The following ATP13A2 variants were observed in gnomAD, a reference collection of about 807,000 sequenced individuals.
ATP13A2 encodes ATPase cation transporting 13A2, also known as polyamine-transporting ATPase 13A2.
A neutral mutation model predicts 138.3 loss-of-function variants in ATP13A2; 83 were observed. The ratio of observed to expected loss-of-function variants is 0.60; its 90% CI spans 0.50 to 0.72. The LOEUF is 0.72. Ranked by LOEUF, ATP13A2 falls within the 30% of genes least tolerant of loss-of-function variation. ATP13A2 has a pLI of 0.00. For missense variants in ATP13A2, 1,402 were observed against 1,606.4 expected, an observed-to-expected ratio of 0.87 and a Z score of 2.17; for synonymous variants, 663 against 699.0, an observed-to-expected ratio of 0.95 and a Z score of 0.81.
At position 16,996,169 on chromosome 1, in the gene ATP13A2, C is replaced by A. The variant is rs1188839599; in HGVS notation, c.1354-5G>T. ...TACAATCTCATTCAGAGGCACCTGG[C>A]AGGGGGCACCATGAATGTGAGCACC... On this transcript the variant is annotated splice_polypyrimidine_tract_variant and splice_region_variant and intron_variant, in intron 14 of 28. Coordinates refer to ENST00000326735, the MANE Select transcript of ATP13A2 (RefSeq NM_022089.4). 1.2e-6 allele frequency: 2 copies of A among 1,614,152 alleles called. No homozygotes were observed. Among genetic ancestry groups the A allele is most frequent in the South Asian group, 2.2e-5 (2 of 91,080 alleles).
At chr1:16,993,301 G>A (rs1415274052) in intron 16 of ATP13A2, among the ~76,000 whole-genome samples, 2 of 152,164 alleles carry the variant, frequency 1.3e-5, no homozygotes, top group Non-Finnish European at 2.9e-5. Context: ...CTGTAGCCTC[G>A]CCCTCCCGGG....
In ATP13A2 at chr1:16,997,120, A is replaced by G. The variant is rs2100916560; in HGVS notation, c.1095T>C (p.Cys365=). 6.2e-7 allele frequency: 1 copy of G among 1,613,696 alleles called. No individual in the cohort carries two copies. The highest frequency in any genetic ancestry group is 8.5e-7 in the Non-Finnish European group (1 of 1,180,018). The change falls in exon 12 of 29, where the codon TGT becomes TGC. Residue 365 remains cysteine (C), a synonymous_variant. Coordinates refer to ENST00000326735, the MANE Select transcript of ATP13A2 (RefSeq NM_022089.4). Reference sequence around the variant, plus strand: ...GTGTGTGCCGCCGGTGTGTCTCTGCACAGTAGGGCCCCAGCCCCTCCGGCA... The same window carrying G: ...GTGTGTGCCGCCGGTGTGTCTCTGCGCAGTAGGGCCCCAGCCCCTCCGGCA... ...TALPEGLGPY[C]AETHRRHTLF... is the part of the protein sequence containing the mutation.
At chr1:16,997,415 G>GGGGGC (rs1553169131) in intron 11 of ATP13A2, among the ~76,000 whole-genome samples, 5 of 120,004 alleles carry the variant, frequency 4.2e-5, no homozygotes, top group African/African-American at 1.9e-4. Flanking sequence ...TGGAACCAGC[G>GGGGGC]GGGGGGGGTG....
In ATP13A2 at chr1:16,989,877, G is replaced by A. The variant is rs773837281; in HGVS notation, c.2529+10C>T. ...GCGCAGGGCGGCCAGGGAGCTGGGG[G>A]CGGCCCTACCTTGGGCAGCAGCTTG... On this transcript the variant is annotated intron_variant, in intron 22 of 28. Coordinates refer to ENST00000326735, the MANE Select transcript of ATP13A2 (RefSeq NM_022089.4). 1.9e-6 allele frequency: 3 copies of A among 1,607,046 alleles called. No individual in the cohort carries two copies. The African/African-American group carries it at 4.0e-5, about 21-fold the overall frequency.
intron 16 of ATP13A2, 127 bp from the exon 17 acceptor site, chr1:16,992,708 C>T (rs945897933): frequency 9.5e-5 from 89 of 937,276 alleles, no homozygotes; most frequent in Admixed American, 1.9e-4. Flanking sequence ...CTTTGGAGCC[C>T]GGTGGACTCA....
chr1:16,990,191 C>T lies in ATP13A2; in HGVS notation c.2348G>A (p.Arg783Gln), dbSNP rs137955309. ...GAACTCGAGAGAGGCAGGCTGACCC[C>T]GCTCAGGGTGGGTGGCGTGGACGAT... ...LIIVHATHPERGQPASLEFLP... is the reference protein window; with the variant it reads ...LIIVHATHPEQGQPASLEFLP... The change falls in exon 21 of 29, where the codon CGG becomes CAG. Residue 783 changes from arginine to glutamine, a missense_variant. By Grantham distance (43) the Arg-to-Gln change is conservative. Transcript: ENST00000326735. 345 of 1,613,962 alleles carry T rather than the reference C, an allele frequency of 2.1e-4. 1 individual carries two copies. In the African/African-American group the frequency reaches 3.3e-3, roughly 16 times the overall value.
At position 16,986,459 on chromosome 1, in the gene ATP13A2, C is replaced by T. The variant is rs780437824; in HGVS notation, c.3405+4G>A. ...CCGCTGCTGAGACCCAGGGCGGGCC[C>T]CACCTCCAGCATGAAGGCCCCCACG... On this transcript the variant is annotated splice_donor_region_variant and intron_variant, in intron 28 of 28. Coordinates refer to ENST00000326735, the MANE Select transcript of ATP13A2 (RefSeq NM_022089.4). This position sits in a 1 kb window ranked among gnomAD's most constrained non-coding sequence, Gnocchi z 6.9. The T allele has an allele frequency of 6.2e-7, 1 of 1,611,810 alleles. No homozygotes were observed.
At chr1:17,005,990 C>A (rs1265849740) in intron 1 of ATP13A2, among the ~76,000 whole-genome samples, 1 of 152,060 alleles carries the variant, frequency 6.6e-6, no homozygotes, top group African/African-American at 2.4e-5. Context: ...AAAAAATTAG[C>A]CGGGCGTGGC....
chr1:16,986,720 G>T lies in ATP13A2; in HGVS notation c.3235+85C>A. 6.4e-7 allele frequency: 1 copy of T among 1,572,306 alleles called. No individual in the cohort carries two copies. On this transcript the variant is annotated intron_variant, in intron 27 of 28. Transcript: ENST00000326735. This position sits in a 1 kb window ranked among gnomAD's most constrained non-coding sequence, Gnocchi z 6.9. Reference sequence around the variant, plus strand: ...TGCACGCCAGTCTTCCACTCGGCCGGCACCTCTCTCCCATCTGCCTCCCCA... The same window carrying T: ...TGCACGCCAGTCTTCCACTCGGCCGTCACCTCTCTCCCATCTGCCTCCCCA...
At position 17,002,037 on chromosome 1, in the gene ATP13A2, G is replaced by A. The variant is rs149548401; in HGVS notation, c.702C>T (p.Asp234=). The change falls in exon 8 of 29, where the codon GAC becomes GAT. Residue 234 remains aspartate (D), a synonymous_variant. Coordinates refer to ENST00000326735, the MANE Select transcript of ATP13A2 (RefSeq NM_022089.4). Reference sequence around the variant, plus strand: ...CAAGACCCAGGGACAGCCCTACCTCGTCCACCAGCAGCTGGGGGTAGGACT... The same window carrying A: ...CAAGACCCAGGGACAGCCCTACCTCATCCACCAGCAGCTGGGGGTAGGACT... ...PVKSYPQLLV[D]EALNPYYGFQ... 42 of 1,611,310 alleles carry A rather than the reference G, an allele frequency of 2.6e-5. No homozygotes were observed. Among genetic ancestry groups the A allele is most frequent in the African/African-American group, 1.7e-4 (13 of 74,900 alleles).
Position 16,986,344 on chromosome 1 carries a change from C to T in ATP13A2, c.3420G>A (p.Gln1140=). The T allele has an allele frequency of 1.3e-6, 2 of 1,579,224 alleles. No individual in the cohort carries two copies. The highest frequency in any genetic ancestry group is 1.7e-6 in the Non-Finnish European group (2 of 1,164,778). ...GAFMLESVLD[Q]CLPACLRRLR... is the part of the protein sequence containing the mutation. ...GGCGGCGCAGGCAGGCGGGGAGGCA[C>T]TGGTCTAGCACGCTCTGCAAAGGGC... The change falls in exon 29 of 29, where the codon CAG becomes CAA. Residue 1140 remains glutamine, a synonymous_variant. Transcript: ENST00000326735. This position sits in a 1 kb window ranked among gnomAD's most constrained non-coding sequence, Gnocchi z 6.9.
At chr1:16,998,012 C>T (rs1254989115) in intron 11 of ATP13A2, among the ~76,000 whole-genome samples, 1 of 152,168 alleles carries the variant, frequency 6.6e-6, no homozygotes, top group African/African-American at 2.4e-5. Context: ...GCCTAGCAAA[C>T]AGTGGCACTC....
At chr1:17,001,960 G>T (rs753653396) in intron 8 of ATP13A2, 74 bp downstream of exon 8, 1 of 1,492,418 alleles carries the variant, frequency 6.7e-7, no homozygotes, top group Non-Finnish European at 9.1e-7. Context: ...AAGTGGCCCA[G>T]AGGAGGCAAG....
chr1:17,002,464 G>A, intron 6 of ATP13A2, 91 bp from the exon 7 acceptor site: 1 of 1,442,584 alleles, frequency 6.9e-7, no homozygotes, highest in Non-Finnish European at 9.5e-7. Flanking sequence ...TGGGCTCTAG[G>A]CCCCCCATCC....
rs750146990 is a variant in ATP13A2, at chr1:16,986,185, G to A, written c.*36C>T. On this transcript the variant is annotated 3_prime_UTR_variant, in exon 29 of 29. Transcript: ENST00000326735. The surrounding 1 kb of genome is among the most constrained non-coding windows in gnomAD (Gnocchi z 6.9). ...GGGTCCAGTTGGTGGCTCAGAGGCA[G>A]GGAGTTCCAGTGTCTGGGGTGCCCG... 1.9e-6 allele frequency: 3 copies of A among 1,612,662 alleles called. No individual in the cohort carries two copies. Among genetic ancestry groups the A allele is most frequent in the Non-Finnish European group, 2.5e-6 (3 of 1,179,638 alleles).
At chr1:16,987,014 G>A in intron 26 of ATP13A2, 32 bp downstream of exon 26, 1 of 1,613,250 alleles carries the variant, frequency 6.2e-7, no homozygotes, top group African/African-American at 1.3e-5. Context: ...GGAAGGGGCG[G>A]GATGGGGGTG....
intron 1 of ATP13A2, among the ~76,000 whole-genome samples, chr1:17,010,159 C>T (rs571340751): frequency 1.3e-5 from 2 of 151,512 alleles, no homozygotes; most frequent in South Asian, 4.2e-4. Flanking sequence ...CTCACTGCAC[C>T]CTCCACCTCC....
intron 18 of ATP13A2, 46 bp from the exon 19 acceptor site, chr1:16,992,175 G>C (rs780158155): frequency 6.2e-7 from 1 of 1,611,618 alleles, no homozygotes; most frequent in African/African-American, 1.3e-5. Flanking sequence ...GGCAGGGACA[G>C]AGGCTGGGTA....
intron 1 of ATP13A2, among the ~76,000 whole-genome samples, chr1:17,007,326 A>G (rs2077595741): frequency 6.6e-6 from 1 of 152,152 alleles, no homozygotes; most frequent in Non-Finnish European, 1.5e-5. Flanking sequence ...CTACGGTCCC[A>G]GACCACCTGG....
Sources: gnomAD v4.1 joint callset for allele counts (sites outside exome capture counted in the v4.1 genomes callset) on GRCh38, gnomAD v4.1.1 for gene constraint, Gnocchi (gnomAD v3.1) non-coding constraint, MANE v1.5 for transcripts, NCBI Gene and HGNC (gene_info 2026-07-23, HGNC 2026-07-21) for gene names.